The following CYBRD1 variants were observed in gnomAD, a reference collection of about 807,000 sequenced individuals.
CYBRD1 encodes plasma membrane ascorbate-dependent reductase CYBRD1.
Under a neutral mutation model 21.9 loss-of-function variants are expected in CYBRD1, and 14 were observed. The observed-to-expected ratio is 0.64, with a 90% confidence interval of 0.42 to 1.00. The LOEUF (loss-of-function observed/expected upper bound fraction) is 1.00. Ranked by LOEUF, CYBRD1 falls within the 50% of genes least tolerant of loss-of-function variation. The pLI, the probability that CYBRD1 is intolerant of heterozygous loss-of-function variation, is 0.00. For missense variants in CYBRD1, 328 were observed against 352.5 expected (o/e 0.93, Z 0.56); for synonymous variants, 146 against 136.5 (o/e 1.07, Z -0.48).
At chr2:171,526,583 C>T (rs993369262) in intron 1 of CYBRD1, among the ~76,000 whole-genome samples, 4 of 152,152 alleles carry the variant, frequency 2.6e-5, no homozygotes, top group African/African-American at 9.7e-5. Flanking sequence ...CAGACTCTAA[C>T]ATGAATGAGG....
rs369799517 is a variant in CYBRD1 at position 171,523,023 on chromosome 2, T to G, written c.193+285T>G. 371 of 468,726 alleles carry G rather than the reference T, an allele frequency of 7.9e-4. 1 individual carries two copies. The East Asian group carries it at 0.013, about 16-fold the overall frequency. 29.0% of individuals were successfully genotyped at this position (468,726 alleles called of 1,614,324 possible). On this transcript the variant is annotated intron_variant, in intron 1 of 3. Transcript: ENST00000321348. ...GGCGGCGGAGCGGGGCCGGCCCCAC[T>G]TGGTTAACTCTTTGCGGCGACTGGC...
At chr2:171,529,393 G>GT (rs1697430612) in intron 1 of CYBRD1, among the ~76,000 whole-genome samples, 1 of 151,922 alleles carries the variant, frequency 6.6e-6, no homozygotes, top group African/African-American at 2.4e-5. Flanking sequence ...TAGCCGGGCA[G>GT]GGTGGTGCAT....
chr2:171,546,788 C>G (rs929504197), intron 2 of CYBRD1, among the ~76,000 whole-genome samples: 4 of 152,048 alleles, frequency 2.6e-5, no homozygotes, highest in South Asian at 2.1e-4. Context: ...AGCCACACAC[C>G]TGGTGTAGAA....
intron 2 of CYBRD1, among the ~76,000 whole-genome samples, chr2:171,551,777 A>T (rs1683380955): frequency 6.6e-6 from 1 of 152,222 alleles, no homozygotes. Context: ...TGGTATCATT[A>T]AAAATTAATT....
At chr2:171,532,070 A>G (rs1697475718) in intron 1 of CYBRD1, among the ~76,000 whole-genome samples, 1 of 152,218 alleles carries the variant, frequency 6.6e-6, no homozygotes, top group Non-Finnish European at 1.5e-5. Context: ...GACATGTTTC[A>G]AAGCTCTGAT....
At chr2:171,538,618 C>T (rs962457734) in intron 1 of CYBRD1, among the ~76,000 whole-genome samples, 3 of 152,094 alleles carry the variant, frequency 2.0e-5, no homozygotes, top group Non-Finnish European at 4.4e-5. Flanking sequence ...AAATATTGTC[C>T]TAATGGTGAG....
Position 171,554,587 on chromosome 2 carries a change from G to T in CYBRD1, c.621G>T (p.Leu207=). Residue 207 remains leucine, a synonymous_variant, in exon 4 of 4, where the codon CTG becomes CTT. Transcript: ENST00000321348. ...TTTTCGTAAATACGCTTGGCCTTCT[G>T]ATCCTGGTGTTCGGGGCCCTCATTT... ...EGVFVNTLGL[L]ILVFGALIFW... is the part of the protein sequence containing the mutation. 1 of 1,613,924 alleles carries T rather than the reference G, an allele frequency of 6.2e-7. No homozygotes were observed.
At position 171,549,125 on chromosome 2, in the gene CYBRD1, C is replaced by A. The variant is rs80219481; in HGVS notation, c.403-4221C>A. On this transcript the variant is annotated intron_variant, in intron 2 of 3. Coordinates refer to ENST00000321348, the MANE Select transcript of CYBRD1 (RefSeq NM_024843.4). ...CTGAGACAGCGTCTCACCCTGTCGC[C>A]CAGGCTGGAGTACTGTGGTGCAATC... is the stretch of plus-strand genomic sequence containing the variant. Among the ~76,000 whole-genome samples the A allele has an allele frequency of 7.6e-3, 1,154 of 152,250 alleles. 25 individuals are homozygous for A. The highest frequency in any genetic ancestry group is 0.026 in the African/African-American group (1,098 of 41,536).
chr2:171,544,858 G>T (rs550975906), intron 2 of CYBRD1, among the ~76,000 whole-genome samples: 1 of 152,264 alleles, frequency 6.6e-6, no homozygotes, highest in East Asian at 1.9e-4. Flanking sequence ...GACTTTTGGG[G>T]CCAGGCACAG....
At chr2:171,553,702 C>T (rs1329575991) in intron 3 of CYBRD1, among the ~76,000 whole-genome samples, 2 of 152,066 alleles carry the variant, frequency 1.3e-5, no homozygotes, top group African/African-American at 2.4e-5. Flanking sequence ...AATTGTATTA[C>T]TCTTATGAAA....
chr2:171,538,675 C>T (rs918424276), intron 1 of CYBRD1, among the ~76,000 whole-genome samples: 3 of 152,136 alleles, frequency 2.0e-5, no homozygotes, highest in Non-Finnish European at 4.4e-5. Flanking sequence ...AAAATGACAT[C>T]CTGTGCTGAA....
intron 1 of CYBRD1, among the ~76,000 whole-genome samples, chr2:171,534,993 A>G (rs1448386694): frequency 6.6e-6 from 1 of 152,204 alleles, no homozygotes; most frequent in Non-Finnish European, 1.5e-5. Context: ...GTGAGCCAAG[A>G]TTGCGCCACT....
rs1559317592 is a variant in CYBRD1 at position 171,541,730 on chromosome 2, A to G, written c.339A>G (p.Ile113Met). ...TTGAGAACCACAATGTTAACAATATAGCCAATATGTACAGTCTGCACAGCT... is the reference window on the plus strand; with the variant it reads ...TTGAGAACCACAATGTTAACAATATGGCCAATATGTACAGTCTGCACAGCT... Reference protein sequence around the residue: ...AVFENHNVNNIANMYSLHSWV... With the variant: ...AVFENHNVNNMANMYSLHSWV... The change falls in exon 2 of 4, where the codon ATA becomes ATG. Residue 113 changes from isoleucine to methionine, a missense_variant. Coordinates refer to ENST00000321348, the MANE Select transcript of CYBRD1 (RefSeq NM_024843.4). 1.9e-6 allele frequency: 3 copies of G among 1,613,946 alleles called. No individual in the cohort carries two copies. The highest frequency in any genetic ancestry group is 2.5e-6 in the Non-Finnish European group (3 of 1,180,004).
intron 2 of CYBRD1, among the ~76,000 whole-genome samples, chr2:171,548,228 A>G (rs145959586): frequency 1.3e-3 from 195 of 152,336 alleles, no homozygotes; most frequent in African/African-American, 4.5e-3. Flanking sequence ...CAGCAGCATT[A>G]GCATCACTAG....
intron 1 of CYBRD1, among the ~76,000 whole-genome samples, chr2:171,526,080 A>G (rs1697382286): frequency 6.6e-6 from 1 of 152,136 alleles, no homozygotes; most frequent in Admixed American, 6.5e-5. Flanking sequence ...CAGCCTGGCC[A>G]ACATGGTGAA....
At chr2:171,548,625 C>T (rs1299931990) in intron 2 of CYBRD1, among the ~76,000 whole-genome samples, 1 of 122,552 alleles carries the variant, frequency 8.2e-6, no homozygotes, top group Non-Finnish European at 1.6e-5. Context: ...CTTGAAAGCT[C>T]ATTAAATCTA....
At chr2:171,528,702 AT>A (rs1211275418) in intron 1 of CYBRD1, among the ~76,000 whole-genome samples, 1 of 152,124 alleles carries the variant, frequency 6.6e-6, no homozygotes, top group Non-Finnish European at 1.5e-5. Context: ...CCAAATCCAA[AT>A]ATCTGTTTGC....
intron 2 of CYBRD1, among the ~76,000 whole-genome samples, chr2:171,547,684 C>A (rs910070404): frequency 6.6e-6 from 1 of 151,978 alleles, no homozygotes; most frequent in Non-Finnish European, 1.5e-5. Flanking sequence ...TGTTTGGTGG[C>A]AGGAAATTGA....
At chr2:171,538,418 G>A (rs1416669239) in intron 1 of CYBRD1, among the ~76,000 whole-genome samples, 1 of 152,160 alleles carries the variant, frequency 6.6e-6, no homozygotes. Context: ...GGGGCCTTGA[G>A]TTTGCTTTAA....
Sources: allele counts gnomAD v4.1 joint callset (sites outside exome capture counted in the v4.1 genomes callset), GRCh38; gene constraint gnomAD v4.1.1; transcripts MANE v1.5; gene names NCBI Gene and HGNC (gene_info 2026-07-23, HGNC 2026-07-21).